POU2AF2: variants seen among roughly 807,000 people sequenced by gnomAD.
POU2AF2 encodes the protein POU class 2 homeobox associating factor 2, also known as POU domain class 2-associating factor 2.
At chr11:111,259,219 C>T in the POU2AF2 span, among the ~76,000 whole-genome samples, 1 of 151,586 alleles carries the variant, frequency 6.6e-6, no homozygotes. Context: ...TCCCAGTTTA[C>T]AGATGAGTGC....
chr11:111,264,080 A>T, the POU2AF2 span, among the ~76,000 whole-genome samples: 15 of 152,200 alleles, frequency 9.9e-5, no homozygotes, highest in African/African-American at 3.6e-4. Context: ...GTAAGAAATT[A>T]TAAGTGATTA....
the POU2AF2 span, chr11:111,284,320 G>C: frequency 6.2e-7 from 1 of 1,611,048 alleles, no homozygotes; most frequent in Non-Finnish European, 8.5e-7. Context: ...TCAGCGCCTC[G>C]CCCCTACCGC....
At chr11:111,255,633 G>A in the POU2AF2 span, among the ~76,000 whole-genome samples, 1 of 152,184 alleles carries the variant, frequency 6.6e-6, no homozygotes. Context: ...GTATTTAGAA[G>A]CATCATTTCA....
At chr11:111,267,984 C>G in the POU2AF2 span, among the ~76,000 whole-genome samples, 1 of 152,218 alleles carries the variant, frequency 6.6e-6, no homozygotes, top group Admixed American at 6.5e-5. Context: ...AATCTAATAC[C>G]ATACTACTGC....
the POU2AF2 span, among the ~76,000 whole-genome samples, chr11:111,261,278 CACACACACACACACAT>C: frequency 7.1e-6 from 1 of 141,554 alleles, no homozygotes; most frequent in Non-Finnish European, 1.6e-5. Flanking sequence ...CACACACACA[CACACACACACACACAT>C]AATTAAGTTC....
chr11:111,264,161 T>C, the POU2AF2 span, among the ~76,000 whole-genome samples: 3 of 151,166 alleles, frequency 2.0e-5, no homozygotes, highest in African/African-American at 7.3e-5. Context: ...ATGAGGGAGG[T>C]TCAGAGGAGG....
chr11:111,279,737 G>A, the POU2AF2 span, among the ~76,000 whole-genome samples: 3 of 152,098 alleles, frequency 2.0e-5, no homozygotes, highest in African/African-American at 7.2e-5. Context: ...CACATTCACA[G>A]GTATCAGGGA....
At chr11:111,266,480 G>A in the POU2AF2 span, among the ~76,000 whole-genome samples, 1 of 152,102 alleles carries the variant, frequency 6.6e-6, no homozygotes, top group Non-Finnish European at 1.5e-5. Context: ...GGAATATAGG[G>A]AATAGAAAAG....
At chr11:111,282,325 T>C in the POU2AF2 span, among the ~76,000 whole-genome samples, 1 of 152,188 alleles carries the variant, frequency 6.6e-6, no homozygotes, top group Non-Finnish European at 1.5e-5. Context: ...AGAACCTTAT[T>C]TATTTATATT....
the POU2AF2 span, chr11:111,284,075 G>A: frequency 6.2e-7 from 1 of 1,607,846 alleles, no homozygotes; most frequent in Non-Finnish European, 8.5e-7. Flanking sequence ...TTTGGCAACA[G>A]GTTCGCCGGT....
the POU2AF2 span, among the ~76,000 whole-genome samples, chr11:111,266,308 C>A: frequency 2.0e-5 from 3 of 152,238 alleles, no homozygotes; most frequent in South Asian, 2.1e-4. Context: ...GCAGCTGTTT[C>A]TCCTCCTGAC....
chr11:111,261,260 T>TACACACACACAC, the POU2AF2 span, among the ~76,000 whole-genome samples: 1 of 140,926 alleles, frequency 7.1e-6, no homozygotes, highest in African/African-American at 2.5e-5. Context: ...TAGTACCAAA[T>TACACACACACAC]ACACACACAC....
At chr11:111,279,966 G>A in the POU2AF2 span, among the ~76,000 whole-genome samples, 80 of 149,800 alleles carry the variant, frequency 5.3e-4, no homozygotes, top group Middle Eastern at 3.4e-3. Flanking sequence ...ACTTGAATCC[G>A]GGAGGTGGAA....
At chr11:111,278,338 G>T in the POU2AF2 span, among the ~76,000 whole-genome samples, 1 of 152,190 alleles carries the variant, frequency 6.6e-6, no homozygotes, top group African/African-American at 2.4e-5. Flanking sequence ...GTTGTTGGAA[G>T]ATATTTTGCC....
At chr11:111,280,040 C>CAAAAA in the POU2AF2 span, among the ~76,000 whole-genome samples, 14 of 72,578 alleles carry the variant, frequency 1.9e-4, no homozygotes, top group African/African-American at 6.2e-4. Context: ...GACTCCATCT[C>CAAAAA]AAAAAAAAAA....
the POU2AF2 span, among the ~76,000 whole-genome samples, chr11:111,248,963 A>G: frequency 6.6e-6 from 1 of 152,242 alleles, no homozygotes; most frequent in Non-Finnish European, 1.5e-5. Context: ...ACTATAGACT[A>G]AATTCTTCGT....
the POU2AF2 span, among the ~76,000 whole-genome samples, chr11:111,266,621 G>T: frequency 6.6e-6 from 1 of 152,148 alleles, no homozygotes; most frequent in African/African-American, 2.4e-5. Context: ...CACCTGTTCA[G>T]TTCTCTCTGG....
the POU2AF2 span, chr11:111,286,357 G>T: frequency 3.7e-6 from 1 of 267,950 alleles, no homozygotes. Context: ...TATCATTTTT[G>T]GCACTGATTT....
chr11:111,248,810 T>A, the POU2AF2 span, among the ~76,000 whole-genome samples: 1 of 152,228 alleles, frequency 6.6e-6, no homozygotes, highest in East Asian at 1.9e-4. Context: ...GTGCCATAAG[T>A]GTATTTGATA....
Sources: gnomAD v4.1 joint callset for allele counts (sites outside exome capture counted in the v4.1 genomes callset) on GRCh38, gnomAD v4.1.1 for gene constraint, MANE v1.5 for transcripts, NCBI Gene and HGNC (gene_info 2026-07-23, HGNC 2026-07-21) for gene names.